The following ETV6 variants were observed in gnomAD, a reference collection of about 807,000 sequenced individuals.
ETV6 encodes the protein transcription factor ETV6.
ETV6 carries 16 observed loss-of-function variants against 51.1 expected under a neutral mutation model. The observed-to-expected ratio is 0.31, with a 90% CI of 0.21 to 0.48. The LOEUF (loss-of-function observed/expected upper bound fraction) is 0.48, where lower values mean the gene tolerates loss of function less well. ETV6 is among the 20% of genes least tolerant of loss of function. The probability of loss-of-function intolerance (pLI) is 0.99; values close to 1 mark genes in which losing one functional copy is unlikely to be tolerated. For synonymous variants in ETV6, 240 were observed against 224.1 expected (o/e 1.07, Z -0.64); for missense variants, 458 against 594.8 (o/e 0.77, Z 2.39).
intron 5 of ETV6, among the ~76,000 whole-genome samples, chr12:11,875,838 AC>A (rs998107460): frequency 1.4e-4 from 21 of 152,154 alleles, no homozygotes; most frequent in African/African-American, 5.1e-4. Flanking sequence ...AAACAGCCAA[AC>A]CCATTTATTT....
intron 2 of ETV6, among the ~76,000 whole-genome samples, chr12:11,753,863 TG>T (rs1944959013): frequency 6.6e-6 from 1 of 152,230 alleles, no homozygotes; most frequent in African/African-American, 2.4e-5. Flanking sequence ...CTGCCTACTA[TG>T]GTCAAGACAT....
At chr12:11,769,900 TG>T (rs1372499009) in intron 2 of ETV6, among the ~76,000 whole-genome samples, 1 of 152,124 alleles carries the variant, frequency 6.6e-6, no homozygotes, top group Non-Finnish European at 1.5e-5. Flanking sequence ...TGTGACTCCC[TG>T]GGTGTGTCTC....
chr12:11,783,559 A>C (rs998901365), intron 2 of ETV6, among the ~76,000 whole-genome samples: 1 of 152,190 alleles, frequency 6.6e-6, no homozygotes, highest in Non-Finnish European at 1.5e-5. Flanking sequence ...TTGTTTATTT[A>C]ATGGACGGTA....
At chr12:11,673,890 G>A (rs1363730428) in intron 1 of ETV6, among the ~76,000 whole-genome samples, 2 of 152,156 alleles carry the variant, frequency 1.3e-5, no homozygotes, top group Non-Finnish European at 2.9e-5. Flanking sequence ...GCTCTTGTGA[G>A]TGGAGTTGAC....
rs1947333388 is a variant in ETV6 at position 11,893,702 on chromosome 12, A to G, written c.*2656A>G. 2 of 220,258 alleles carry G rather than the reference A, an allele frequency of 9.1e-6. No individual in the cohort carries two copies. The highest frequency in any genetic ancestry group is 1.8e-5 in the Non-Finnish European group (2 of 110,364). The allele number at this position is 220,258 out of a possible 1,614,324, so 13.6% of individuals were successfully genotyped here. A position where few individuals can be genotyped will look rare whatever the true frequency, so the allele number is the denominator to read the frequency against. On this transcript the variant is annotated 3_prime_UTR_variant, in exon 8 of 8. Coordinates refer to ENST00000396373, the MANE Select transcript of ETV6 (RefSeq NM_001987.5). ...TATAGAAAATGATTTCAAATATCAT[A>G]AAATTACCTTCAGGCTATGTGTATA...
chr12:11,784,405 G>GCC (rs1479309355), intron 2 of ETV6, among the ~76,000 whole-genome samples: 2 of 149,536 alleles, frequency 1.3e-5, no homozygotes, highest in East Asian at 3.9e-4. Context: ...GTTGCAGTGA[G>GCC]CCGAGATCAC....
rs774595792 is a variant in ETV6, at chr12:11,885,995, A to C, written c.1222A>C (p.Arg408=). ...LRHYYKLNII[R]KEPGQRLLFR... is the part of the protein sequence containing the mutation. ...CCACTACTACAAACTAAACATTATC[A>C]GGAAGGAGCCAGGACAAAGGCTTTT... Residue 408 remains arginine (R), a synonymous_variant, in exon 7 of 8, where the codon AGG becomes CGG. Transcript: ENST00000396373. The C allele has an allele frequency of 1.4e-5, 22 of 1,613,760 alleles. 1 individual carries two copies. The South Asian group carries it at 2.4e-4, about 18-fold the overall frequency.
At chr12:11,744,950 G>T (rs185709222) in intron 1 of ETV6, among the ~76,000 whole-genome samples, 191 of 151,990 alleles carry the variant, frequency 1.3e-3, no homozygotes, top group African/African-American at 3.8e-3. Flanking sequence ...GTCAAGAATG[G>T]AAAGTATCTT....
intron 1 of ETV6, among the ~76,000 whole-genome samples, chr12:11,741,522 C>G (rs1426910361): frequency 6.6e-6 from 1 of 152,304 alleles, no homozygotes; most frequent in South Asian, 2.1e-4. Flanking sequence ...GACACTGCTC[C>G]GTGTGGAGCT....
intron 1 of ETV6, among the ~76,000 whole-genome samples, chr12:11,747,053 T>C (rs2121043884): frequency 6.6e-6 from 1 of 152,290 alleles, no homozygotes; most frequent in South Asian, 2.1e-4. Context: ...AGCGGGCTCC[T>C]TGGAAGATCC....
intron 1 of ETV6, among the ~76,000 whole-genome samples, chr12:11,735,263 A>G (rs1356929964): frequency 6.6e-6 from 1 of 151,934 alleles, no homozygotes; most frequent in East Asian, 1.9e-4. Context: ...AGTACCTCCC[A>G]GGATAGAATA....
At position 11,754,803 on chromosome 12, in the gene ETV6, C is replaced by T. The variant is rs1944984514; in HGVS notation, c.163+2224C>T. 2.0e-5 allele frequency among the ~76,000 whole-genome samples: 3 copies of T among 152,234 alleles called. No individual in the cohort carries two copies. The South Asian group carries it at 6.2e-4, about 32-fold the overall frequency. Reference sequence around the variant, plus strand: ...GCCTTCTGTGTGCCTAGCACACAACCATAATAGCTAATATTTATCACGGGA... The same window carrying T: ...GCCTTCTGTGTGCCTAGCACACAACTATAATAGCTAATATTTATCACGGGA... On this transcript the variant is annotated intron_variant, in intron 2 of 7. Transcript: ENST00000396373.
In ETV6 at chr12:11,893,847, C is replaced by CAT. The variant is rs1947346819; in HGVS notation, c.*2802_*2803insTA. The stretch of plus-strand genomic sequence containing the variant: ...ATATATATATATATATATATACACA[C>CAT]ACACACACATACACAAATATTCCAG... On this transcript the variant is annotated 3_prime_UTR_variant, in exon 8 of 8. Transcript: ENST00000396373. The CAT allele has an allele frequency of 4.7e-5, 6 of 126,520 alleles. No individual in the cohort carries two copies. Among genetic ancestry groups the CAT allele is most frequent in the African/African-American group, 2.4e-4 (5 of 21,120 alleles). 7.8% of individuals were successfully genotyped at this position (126,520 alleles called of 1,614,324 possible). A position where few individuals can be genotyped will look rare whatever the true frequency, so the allele number is the denominator to read the frequency against.
At chr12:11,842,608 C>T (rs953479770) in intron 3 of ETV6, among the ~76,000 whole-genome samples, 1 of 152,142 alleles carries the variant, frequency 6.6e-6, no homozygotes, top group Non-Finnish European at 1.5e-5. Context: ...AATGATGACC[C>T]GGTTTGAGAG....
intron 2 of ETV6, among the ~76,000 whole-genome samples, chr12:11,815,886 G>A (rs918613121): frequency 3.3e-5 from 5 of 152,170 alleles, no homozygotes; most frequent in African/African-American, 1.2e-4. Context: ...GATACAGAAG[G>A]CAGTTCTATT....
intron 2 of ETV6, among the ~76,000 whole-genome samples, chr12:11,794,995 T>C (rs1945655795): frequency 6.6e-6 from 1 of 152,246 alleles, no homozygotes; most frequent in Non-Finnish European, 1.5e-5. Context: ...CTGATGTCCA[T>C]GGCATGCCAT....
Position 11,891,291 on chromosome 12 carries a change from C to G in ETV6, c.*245C>G, listed in dbSNP as rs1947283688. ...CTGGGACTCCATGTCACGTTTCCTT[C>G]TGATTTGGAATCTCTCCATCTGTAA... On this transcript the variant is annotated 3_prime_UTR_variant, in exon 8 of 8. Transcript: ENST00000396373. 2.2e-6 allele frequency: 1 copy of G among 447,844 alleles called. No individual in the cohort carries two copies. Among genetic ancestry groups the G allele is most frequent in the East Asian group, 3.9e-5 (1 of 25,818 alleles). The allele number at this position is 447,844 out of a possible 1,614,324, so 27.7% of individuals were successfully genotyped here. A position where few individuals can be genotyped will look rare whatever the true frequency, so the allele number is the denominator to read the frequency against.
At chr12:11,776,165 G>T (rs1460111876) in intron 2 of ETV6, among the ~76,000 whole-genome samples, 2 of 152,184 alleles carry the variant, frequency 1.3e-5, no homozygotes, top group African/African-American at 4.8e-5. Context: ...TGGGGTGATA[G>T]AATTGATTCT....
intron 1 of ETV6, among the ~76,000 whole-genome samples, chr12:11,686,971 C>T (rs111257214): frequency 6.2e-4 from 94 of 152,062 alleles, no homozygotes; most frequent in African/African-American, 2.1e-3. Flanking sequence ...CTGCAATCTC[C>T]GCCTTCCAGG....
Sources: gnomAD v4.1 joint callset for allele counts (sites outside exome capture counted in the v4.1 genomes callset) on GRCh38, gnomAD v4.1.1 for gene constraint, MANE v1.5 for transcripts, NCBI Gene and HGNC (gene_info 2026-07-23, HGNC 2026-07-21) for gene names.